The following PLA2G12B variants were observed in gnomAD, a reference collection of about 807,000 sequenced individuals.
PLA2G12B encodes group XIIB secretory phospholipase A2-like protein.
A neutral mutation model predicts 22.3 loss-of-function variants in PLA2G12B; 19 were observed. That is an observed-to-expected ratio of 0.85 (90% CI 0.60 to 1.25). PLA2G12B has a LOEUF of 1.25. Ranked by LOEUF, PLA2G12B falls within the 50% of genes most tolerant of loss-of-function variation. PLA2G12B has a pLI of 0.00. For missense variants in PLA2G12B, 191 were observed against 246.6 expected (o/e 0.77, Z 1.51); for synonymous variants, 81 against 94.9 (o/e 0.85, Z 0.85).
At chr10:72,948,242 C>T (rs1017643471) in intron 1 of PLA2G12B, among the ~76,000 whole-genome samples, 2 of 152,180 alleles carry the variant, frequency 1.3e-5, no homozygotes, top group African/African-American at 4.8e-5. Context: ...GGCTCGGTTT[C>T]TTGGGTTACC....
At position 72,935,632 on chromosome 10, in the gene PLA2G12B, C is replaced by A. The variant is rs1589535335; in HGVS notation, c.573G>T (p.Glu191Asp). The change falls in exon 4 of 4, where the codon GAG (glutamate) becomes GAT (aspartate). Residue 191 changes from glutamate (E) to aspartate (D), a missense_variant. Glu to Asp is a conservative substitution (Grantham distance 45, BLOSUM62 2). Coordinates refer to ENST00000373032, the MANE Select transcript of PLA2G12B (RefSeq NM_032562.5). ...CACTTCTTCCTCATAACTCTTCCTTCTCCTCCTCTGCACAGATGCAAGCTG... is the reference window on the plus strand; with the variant it reads ...CACTTCTTCCTCATAACTCTTCCTTATCCTCCTCTGCACAGATGCAAGCTG... Reference protein sequence around the residue: ...QRAACICAEEEKEEL With the variant: ...QRAACICAEEDKEEL The A allele has an allele frequency of 6.2e-7, 1 of 1,614,134 alleles. No individual in the cohort carries two copies. The highest frequency in any genetic ancestry group is 8.5e-7 in the Non-Finnish European group (1 of 1,180,002).
chr10:72,936,749 C>T lies in PLA2G12B; in HGVS notation c.467-1011G>A, dbSNP rs539649030. 1.6e-4 allele frequency among the ~76,000 whole-genome samples: 25 copies of T among 152,084 alleles called. No individual in the cohort carries two copies. The East Asian group carries it at 2.5e-3, about 15-fold the overall frequency. On this transcript the variant is annotated intron_variant, in intron 3 of 3. Coordinates refer to ENST00000373032, the MANE Select transcript of PLA2G12B (RefSeq NM_032562.5). ...GTATACTTTTAAAGGGTAAATTTTA[C>T]GGTATGTGAATGATATATCAATTTT...
intron 1 of PLA2G12B, among the ~76,000 whole-genome samples, chr10:72,945,387 G>A (rs774917879): frequency 1.4e-4 from 21 of 152,100 alleles, no homozygotes; most frequent in Non-Finnish European, 2.8e-4. Context: ...AGACCCATGC[G>A]GCAAAGAACT....
chr10:72,941,815 T>C (rs963546148), intron 2 of PLA2G12B, among the ~76,000 whole-genome samples: 8 of 114,274 alleles, frequency 7.0e-5, no homozygotes, highest in African/African-American at 4.4e-4. Context: ...AGGGTGTGCG[T>C]GTGTGTGTGT....
chr10:72,944,359 A>G (rs1189325319), intron 1 of PLA2G12B, among the ~76,000 whole-genome samples: 2 of 152,168 alleles, frequency 1.3e-5, no homozygotes, highest in African/African-American at 2.4e-5. Context: ...TTTATGTTTT[A>G]AAGCCCTCAC....
intron 1 of PLA2G12B, among the ~76,000 whole-genome samples, chr10:72,944,498 T>C (rs1846410811): frequency 6.6e-6 from 1 of 152,320 alleles, no homozygotes; most frequent in South Asian, 2.1e-4. Context: ...AGAATTTGAT[T>C]GAAAAATCCA....
At chr10:72,953,301 C>T (rs1405805466) in intron 1 of PLA2G12B, among the ~76,000 whole-genome samples, 1 of 152,152 alleles carries the variant, frequency 6.6e-6, no homozygotes, top group East Asian at 1.9e-4. Flanking sequence ...AATGATTAAC[C>T]ATTACCTCCT....
intron 1 of PLA2G12B, among the ~76,000 whole-genome samples, chr10:72,952,327 C>T (rs926312026): frequency 1.3e-5 from 2 of 152,206 alleles, no homozygotes; most frequent in African/African-American, 4.8e-5. Context: ...ACTCCCTGCT[C>T]TACAAAAAGT....
At chr10:72,946,777 C>T (rs1846449342) in intron 1 of PLA2G12B, among the ~76,000 whole-genome samples, 1 of 152,148 alleles carries the variant, frequency 6.6e-6, no homozygotes, top group Admixed American at 6.5e-5. Context: ...CACTCTATAA[C>T]TGAGTTATTT....
intron 1 of PLA2G12B, among the ~76,000 whole-genome samples, chr10:72,951,901 G>A (rs1406932061): frequency 1.3e-5 from 2 of 152,170 alleles, no homozygotes; most frequent in South Asian, 2.1e-4. Flanking sequence ...GAGAAGCACG[G>A]AAAACAATGT....
intron 1 of PLA2G12B, among the ~76,000 whole-genome samples, chr10:72,953,774 C>G (rs1846570515): frequency 1.3e-5 from 2 of 152,162 alleles, no homozygotes; most frequent in African/African-American, 2.4e-5. Context: ...AGTGCTCCTG[C>G]CAGCTCACAA....
chr10:72,935,497 C>T lies in PLA2G12B; in HGVS notation c.*120G>A. 1 of 1,409,670 alleles carries T rather than the reference C, an allele frequency of 7.1e-7. No individual in the cohort carries two copies. The highest frequency in any genetic ancestry group is 2.4e-5 in the East Asian group (1 of 42,416). The allele number at this position is 1,409,670 out of a possible 1,614,324, so 87.3% of individuals were successfully genotyped here. A position where few individuals can be genotyped will look rare whatever the true frequency, so the allele number is the denominator to read the frequency against. On this transcript the variant is annotated 3_prime_UTR_variant, in exon 4 of 4. Transcript: ENST00000373032. The stretch of plus-strand genomic sequence containing the variant: ...AGCTGTAGAAAAATGTTCCCTTTCT[C>T]CTGCTTTGTGGTGTCCAAACTGTTG...
chr10:72,934,789 T>A lies in PLA2G12B; in HGVS notation c.*828A>T, dbSNP rs548006890. The stretch of plus-strand genomic sequence containing the variant: ...AGGATCCTCAGGTGATTCTAATCCA[T>A]AGTTAGGCTTGAGACCCGCAAGTTA... On this transcript the variant is annotated 3_prime_UTR_variant, in exon 4 of 4. Coordinates refer to ENST00000373032, the MANE Select transcript of PLA2G12B (RefSeq NM_032562.5). Among the ~76,000 whole-genome samples the A allele has an allele frequency of 6.6e-6, 1 of 152,254 alleles. No individual in the cohort carries two copies. The highest frequency in any genetic ancestry group is 2.4e-5 in the African/African-American group (1 of 41,528).
At chr10:72,941,995 G>T (rs763609682) in intron 2 of PLA2G12B, among the ~76,000 whole-genome samples, 1 of 152,078 alleles carries the variant, frequency 6.6e-6, no homozygotes, top group Non-Finnish European at 1.5e-5. Context: ...TTCATAAAAT[G>T]CCACGTGTCT....
chr10:72,951,672 G>T (rs1846533828), intron 1 of PLA2G12B, among the ~76,000 whole-genome samples: 1 of 152,004 alleles, frequency 6.6e-6, no homozygotes, highest in Non-Finnish European at 1.5e-5. Context: ...TGTTAGCCAG[G>T]ATGGTCTCGA....
rs1460404016 is a variant in PLA2G12B, at chr10:72,954,724, C to A, written c.-39G>T. On this transcript the variant is annotated 5_prime_UTR_variant, in exon 1 of 4. Transcript: ENST00000373032. ...AGGTACTGGCTTCTCTCCTCAAACC[C>A]CAGCCAGTGTCCCAGAATTCCAGGG... The A allele has an allele frequency of 6.2e-7, 1 of 1,603,356 alleles. No homozygotes were observed. The highest frequency in any genetic ancestry group is 1.7e-5 in the Admixed American group (1 of 59,552).
rs910272510 is a variant in PLA2G12B at position 72,936,155 on chromosome 10, A to G, written c.467-417T>C. 5.9e-5 allele frequency among the ~76,000 whole-genome samples: 9 copies of G among 152,152 alleles called. No homozygotes were observed. The East Asian group carries it at 1.5e-3, about 26-fold the overall frequency. On this transcript the variant is annotated intron_variant, in intron 3 of 3. Transcript: ENST00000373032. ...TGGATGAACAACCATTCATTGATGG[A>G]AAAACATTTGCATGGCTTGGATATG... is the stretch of plus-strand genomic sequence containing the variant.
chr10:72,935,765 A>G (rs774043821), intron 3 of PLA2G12B, 27 bp from the exon 4 acceptor site: 1 of 1,609,494 alleles, frequency 6.2e-7, no homozygotes, highest in African/African-American at 1.3e-5. Flanking sequence ...AGGGACAGAA[A>G]GGTTAACCCT....
In PLA2G12B at chr10:72,942,659, G is replaced by T; in HGVS notation, c.293C>A (p.Pro98Gln). 6.2e-7 allele frequency: 1 copy of T among 1,603,068 alleles called. No individual in the cohort carries two copies. The highest frequency in any genetic ancestry group is 1.1e-5 in the South Asian group (1 of 88,788). ...CGSYFLGLKV[P>Q]ESMDLGIPAM... ...AATGCTGGCAGTACATACACTTTCT[G>T]GTACCTTGAGACCCAGGAAATAGGA... The change falls in exon 2 of 4, where the codon CCA becomes CAA. Residue 98 changes from proline to glutamine, a missense_variant. By Grantham distance (76) the Pro-to-Gln change is moderately conservative. Coordinates refer to ENST00000373032, the MANE Select transcript of PLA2G12B (RefSeq NM_032562.5).
Sources: allele counts gnomAD v4.1 joint callset (sites outside exome capture counted in the v4.1 genomes callset), GRCh38; gene constraint gnomAD v4.1.1; transcripts MANE v1.5; gene names NCBI Gene and HGNC (gene_info 2026-07-23, HGNC 2026-07-21).